IL1RAPL2: variants seen among roughly 807,000 people sequenced by gnomAD.
The protein encoded by IL1RAPL2 is interleukin 1 receptor accessory protein like 2.
In IL1RAPL2, 3 loss-of-function variants were observed where a neutral mutation model predicts 44.1. That is an observed-to-expected ratio of 0.07 (90% CI 0.03 to 0.18). The LOEUF is 0.18. IL1RAPL2 is among the 10% of genes least tolerant of loss of function. The pLI is 1.00. For synonymous variants in IL1RAPL2, 181 were observed against 178.8 expected (o/e 1.01, Z -0.10); for missense variants, 391 against 496.4 (o/e 0.79, Z 2.02).
At chrX:105,202,618 C>G (rs2033727317) in intron 3 of IL1RAPL2, among the ~76,000 whole-genome samples, 1 of 111,965 alleles carries the variant, frequency 8.9e-6, no homozygotes, top group Non-Finnish European at 1.9e-5. Flanking sequence ...ATTGATTCCA[C>G]CCAACCATCT....
chrX:105,036,561 C>T (rs1165391685), intron 2 of IL1RAPL2, among the ~76,000 whole-genome samples: 1 of 109,355 alleles, frequency 9.1e-6, no homozygotes, highest in Non-Finnish European at 1.9e-5. Flanking sequence ...AATAAAAATT[C>T]CAGAAATATT....
At chrX:104,977,953 C>T (rs2030368453) in intron 2 of IL1RAPL2, among the ~76,000 whole-genome samples, 1 of 111,941 alleles carries the variant, frequency 8.9e-6, no homozygotes, top group African/African-American at 3.2e-5. Flanking sequence ...CCAAGTGTTG[C>T]TATGACAGTG....
intron 1 of IL1RAPL2, among the ~76,000 whole-genome samples, chrX:104,586,297 T>G (rs1301209411): frequency 8.9e-6 from 1 of 111,892 alleles, no homozygotes; most frequent in Non-Finnish European, 1.9e-5. Flanking sequence ...TGGGGTTTGA[T>G]TTTTGCTTTA....
At chrX:105,462,026 TG>T (rs2039286895) in intron 5 of IL1RAPL2, among the ~76,000 whole-genome samples, 1 of 111,177 alleles carries the variant, frequency 9.0e-6, no homozygotes, top group South Asian at 3.8e-4. Context: ...CACCATTATC[TG>T]TACTCTTGGT....
intron 2 of IL1RAPL2, among the ~76,000 whole-genome samples, chrX:104,901,446 C>T (rs1483264592): frequency 1.8e-5 from 2 of 109,090 alleles, no homozygotes; most frequent in Non-Finnish European, 3.8e-5. Flanking sequence ...CTCCTGACCT[C>T]GTGATCCGCC....
In IL1RAPL2 at chrX:105,749,114, T is replaced by C. The variant is rs1225071058; in HGVS notation, c.1192+11T>C. On this transcript the variant is annotated intron_variant, in intron 9 of 10. Coordinates refer to ENST00000372582, the MANE Select transcript of IL1RAPL2 (RefSeq NM_017416.2). ...ATGAAACTAATGATGGTAAGCTGTC[T>C]TCTATTGTTCAAATTCCATTAAACG... The C allele has an allele frequency of 8.4e-7, 1 of 1,195,350 alleles. No homozygotes were observed. Among genetic ancestry groups the C allele is most frequent in the South Asian group, 1.9e-5 (1 of 53,979 alleles).
In IL1RAPL2 at chrX:104,691,327, C is replaced by T. The variant is rs759527144; in HGVS notation, c.82+32332C>T. Among the ~76,000 whole-genome samples the T allele has an allele frequency of 1.2e-3, 133 of 111,703 alleles. 1 individual carries two copies. The highest frequency in any genetic ancestry group is 4.1e-3 in the African/African-American group (126 of 30,766). ...TCATCCTCTACCACTTTCATACTTA[C>T]CAGGCTCTGGGATTTCTTTAAAGGT... On this transcript the variant is annotated intron_variant, in intron 2 of 10. Coordinates refer to ENST00000372582, the MANE Select transcript of IL1RAPL2 (RefSeq NM_017416.2).
intron 2 of IL1RAPL2, among the ~76,000 whole-genome samples, chrX:104,809,136 T>A (rs1382397337): frequency 1.8e-5 from 2 of 111,895 alleles, no homozygotes; most frequent in African/African-American, 6.5e-5. Flanking sequence ...CCACTGATAG[T>A]TATGTTTGGC....
intron 6 of IL1RAPL2, among the ~76,000 whole-genome samples, chrX:105,575,868 T>C (rs369604949): frequency 2.7e-5 from 3 of 112,072 alleles, no homozygotes; most frequent in East Asian, 5.6e-4. Context: ...GCCATTCTGA[T>C]TTGTGTGAGA....
At chrX:104,815,944 C>T (rs1433174352) in intron 2 of IL1RAPL2, among the ~76,000 whole-genome samples, 1 of 108,168 alleles carries the variant, frequency 9.2e-6, no homozygotes, top group African/African-American at 3.4e-5. Flanking sequence ...AGCATATGTA[C>T]ATTTTTGGGG....
At chrX:104,901,199 C>CTTTTTTTTTTTTTT (rs1194148816) in intron 2 of IL1RAPL2, among the ~76,000 whole-genome samples, 4 of 32,115 alleles carry the variant, frequency 1.2e-4, no homozygotes, top group African/African-American at 5.4e-4. Context: ...TCTTTTGCTT[C>CTTTTTTTTTTTTTT]TTTTTTTTTT....
chrX:105,225,038 C>A (rs781842620), intron 3 of IL1RAPL2, among the ~76,000 whole-genome samples: 1 of 111,745 alleles, frequency 8.9e-6, no homozygotes, highest in South Asian at 3.8e-4. Flanking sequence ...TATTACCTTA[C>A]CTTTATCCAC....
chrX:105,439,708 G>A (rs1427718478), intron 5 of IL1RAPL2, among the ~76,000 whole-genome samples: 1 of 111,294 alleles, frequency 9.0e-6, no homozygotes, highest in African/African-American at 3.3e-5. Flanking sequence ...TAATTTCTCT[G>A]GCCCAGAGCG....
intron 6 of IL1RAPL2, among the ~76,000 whole-genome samples, chrX:105,489,627 CTGA>C (rs1325201072): frequency 9.0e-6 from 1 of 110,933 alleles, no homozygotes; most frequent in Non-Finnish European, 1.9e-5. Context: ...GTTCTTCTGA[CTGA>C]TGATGATAAT....
chrX:105,374,945 CAAA>C (rs149097097), intron 5 of IL1RAPL2, among the ~76,000 whole-genome samples: 1,313 of 29,073 alleles, frequency 0.045, 32 homozygotes, highest in African/African-American at 0.11. Flanking sequence ...GACTCCATCT[CAAA>C]AAAAAAAAAA....
chrX:105,273,266 A>G (rs1182539494), intron 5 of IL1RAPL2, among the ~76,000 whole-genome samples: 5 of 110,737 alleles, frequency 4.5e-5, no homozygotes, highest in African/African-American at 9.9e-5. Context: ...ATACTTCAAA[A>G]TGAAGGACTC....
At chrX:105,432,994 G>A (rs1420456425) in intron 5 of IL1RAPL2, among the ~76,000 whole-genome samples, 1 of 110,888 alleles carries the variant, frequency 9.0e-6, no homozygotes, top group East Asian at 2.8e-4. Context: ...TGAATCTTTA[G>A]ATCAACTTGA....
At chrX:104,816,979 G>T (rs777506136) in intron 2 of IL1RAPL2, among the ~76,000 whole-genome samples, 1 of 112,691 alleles carries the variant, frequency 8.9e-6, no homozygotes, top group South Asian at 3.6e-4. Context: ...TTTATTTAAC[G>T]TATGTACATG....
intron 2 of IL1RAPL2, among the ~76,000 whole-genome samples, chrX:104,919,224 C>T (rs757523290): frequency 1.0e-5 from 1 of 96,042 alleles, no homozygotes; most frequent in African/African-American, 3.9e-5. Flanking sequence ...CTTTTTCTTT[C>T]TTTTTTTTTT....
Sources: allele counts gnomAD v4.1 joint callset (sites outside exome capture counted in the v4.1 genomes callset), GRCh38; gene constraint gnomAD v4.1.1; transcripts MANE v1.5; gene names NCBI Gene and HGNC (gene_info 2026-07-23, HGNC 2026-07-21).